Variants in UBE2D2 observed in about 807,000 individuals in gnomAD.
The protein encoded by UBE2D2 is ubiquitin-conjugating enzyme E2 D2.
Under a neutral mutation model 24.2 loss-of-function variants are expected in UBE2D2, and 2 were observed. The observed-to-expected ratio is 0.08, with a 90% CI of 0.03 to 0.26. UBE2D2 has a LOEUF of 0.26. Among genes scored for constraint, UBE2D2 ranks in the 10% least tolerant of loss-of-function variants. UBE2D2 has a pLI of 1.00. For missense variants in UBE2D2, 44 were observed against 177.6 expected, an observed-to-expected ratio of 0.25 and a Z score of 4.28; for synonymous variants, 58 against 56.5, an observed-to-expected ratio of 1.03 and a Z score of -0.12.
chr5:139,533,035 G>A (rs562062874), intron 1 of UBE2D2, among the ~76,000 whole-genome samples: 2 of 151,708 alleles, frequency 1.3e-5, no homozygotes, highest in South Asian at 4.2e-4. Flanking sequence ...TTGAACCCGG[G>A]AGGCGGAGGT....
chr5:139,552,678 T>A, intron 1 of UBE2D2, among the ~76,000 whole-genome samples: 1 of 131,014 alleles, frequency 7.6e-6, no homozygotes, highest in African/African-American at 2.9e-5. Context: ...TTGGCTAATT[T>A]TTTTTTTTTT....
intron 1 of UBE2D2, among the ~76,000 whole-genome samples, chr5:139,568,203 G>A (rs1247411878): frequency 6.6e-6 from 1 of 152,000 alleles, no homozygotes; most frequent in African/African-American, 2.4e-5. Context: ...AATTAGCCAG[G>A]TGTGGTGGCA....
intron 1 of UBE2D2, among the ~76,000 whole-genome samples, chr5:139,567,960 A>G (rs1010931766): frequency 6.6e-6 from 1 of 152,206 alleles, no homozygotes; most frequent in Admixed American, 6.6e-5. Context: ...TAGACTGACA[A>G]TACACTTTGA....
intron 2 of UBE2D2, among the ~76,000 whole-genome samples, chr5:139,613,990 A>T (rs934591782): frequency 2.4e-4 from 34 of 143,452 alleles, no homozygotes; most frequent in African/African-American, 7.6e-4. Context: ...TGAACCCGGG[A>T]GGCGGGGGTT....
intron 5 of UBE2D2, among the ~76,000 whole-genome samples, chr5:139,617,169 G>A (rs144397125): frequency 2.4e-4 from 37 of 151,244 alleles, no homozygotes; most frequent in African/African-American, 8.7e-4. Flanking sequence ...GGTGACAGAG[G>A]GAGACTTTGT....
intron 1 of UBE2D2, among the ~76,000 whole-genome samples, chr5:139,596,754 T>C (rs1561515225): frequency 6.6e-6 from 1 of 150,928 alleles, no homozygotes; most frequent in African/African-American, 2.4e-5. Flanking sequence ...ATAATAATAA[T>C]AATAATAATA....
intron 1 of UBE2D2, among the ~76,000 whole-genome samples, chr5:139,585,935 C>CAAAAAA (rs60277561): frequency 3.9e-4 from 10 of 25,556 alleles, no homozygotes; most frequent in Non-Finnish European, 5.4e-4. Context: ...GACTCTGTCT[C>CAAAAAA]AAAAAAAAAA....
intron 1 of UBE2D2, among the ~76,000 whole-genome samples, chr5:139,596,482 T>C (rs1753962363): frequency 6.6e-6 from 1 of 151,696 alleles, no homozygotes; most frequent in Non-Finnish European, 1.5e-5. Flanking sequence ...TTTTTAGAGA[T>C]GGGGTTTCAC....
intron 1 of UBE2D2, among the ~76,000 whole-genome samples, chr5:139,570,292 AAAC>A (rs1238145338): frequency 6.6e-6 from 1 of 151,954 alleles, no homozygotes; most frequent in Non-Finnish European, 1.5e-5. Flanking sequence ...AACAACAACA[AAAC>A]AACTATTGCA....
At chr5:139,533,728 A>G (rs984899398) in intron 1 of UBE2D2, among the ~76,000 whole-genome samples, 7 of 152,218 alleles carry the variant, frequency 4.6e-5, no homozygotes, top group African/African-American at 1.4e-4. Context: ...GAGCGTCAGA[A>G]AACAAGTAAT....
chr5:139,536,115 T>C (rs906852938), intron 1 of UBE2D2, among the ~76,000 whole-genome samples: 23 of 151,948 alleles, frequency 1.5e-4, no homozygotes, highest in African/African-American at 5.3e-4. Context: ...ATTTATTTAT[T>C]TGAGACTGAG....
At chr5:139,531,635 AAAAG>A (rs1423703890) in intron 1 of UBE2D2, among the ~76,000 whole-genome samples, 7 of 151,524 alleles carry the variant, frequency 4.6e-5, no homozygotes, top group African/African-American at 1.7e-4. Flanking sequence ...CAAAAAAAAA[AAAAG>A]AAAGAAAAAG....
At chr5:139,537,214 T>C (rs1478793986) in intron 1 of UBE2D2, among the ~76,000 whole-genome samples, 2 of 151,414 alleles carry the variant, frequency 1.3e-5, no homozygotes, top group Non-Finnish European at 2.9e-5. Context: ...AAAAGTAATA[T>C]ACCCTTAATA....
intron 1 of UBE2D2, among the ~76,000 whole-genome samples, chr5:139,535,863 TTTCATTAATAC>T (rs1300726228): frequency 6.6e-5 from 10 of 152,238 alleles, no homozygotes; most frequent in Admixed American, 4.6e-4. Context: ...AGAAGTCTTG[TTTCATTAATAC>T]TTCCACTTGT....
intron 2 of UBE2D2, among the ~76,000 whole-genome samples, chr5:139,600,999 C>T (rs1407628206): frequency 6.6e-6 from 1 of 152,098 alleles, no homozygotes; most frequent in Non-Finnish European, 1.5e-5. Context: ...TTCGTGGTTT[C>T]GCCATGTTGG....
chr5:139,626,157 C>T (rs976671009), intron 6 of UBE2D2, among the ~76,000 whole-genome samples: 4 of 152,022 alleles, frequency 2.6e-5, no homozygotes, highest in African/African-American at 4.8e-5. Flanking sequence ...CAACCTCTGC[C>T]TCCTGAGCTC....
chr5:139,531,073 CA>C (rs1172023630), intron 1 of UBE2D2, among the ~76,000 whole-genome samples: 1 of 151,972 alleles, frequency 6.6e-6, no homozygotes, highest in Non-Finnish European at 1.5e-5. Flanking sequence ...GTGAGAGTCT[CA>C]AAGGGGGGGA....
Position 139,626,825 on chromosome 5 carries a change from C to G in UBE2D2, c.*24C>G. ...AATTAAAGAAATTATTGGATAACCTCTACAAATAAAGATAGGGGAACTCTG... is the reference window on the plus strand; with the variant it reads ...AATTAAAGAAATTATTGGATAACCTGTACAAATAAAGATAGGGGAACTCTG... On this transcript the variant is annotated 3_prime_UTR_variant, in exon 7 of 7. Coordinates refer to ENST00000398733, the MANE Select transcript of UBE2D2 (RefSeq NM_003339.3). 6.3e-7 allele frequency: 1 copy of G among 1,598,906 alleles called. No homozygotes were observed. The highest frequency in any genetic ancestry group is 1.1e-5 in the South Asian group (1 of 89,986).
chr5:139,573,229 G>C (rs151148748), intron 1 of UBE2D2, among the ~76,000 whole-genome samples: 1 of 151,122 alleles, frequency 6.6e-6, no homozygotes, highest in East Asian at 1.9e-4. Flanking sequence ...GTGAACCTGG[G>C]AGGCGGAACT....
Sources: allele counts gnomAD v4.1 joint callset (sites outside exome capture counted in the v4.1 genomes callset), GRCh38; gene constraint gnomAD v4.1.1; transcripts MANE v1.5; gene names NCBI Gene and HGNC (gene_info 2026-07-23, HGNC 2026-07-21).